ZFYVE9: variants seen among roughly 807,000 people sequenced by gnomAD.
ZFYVE9 encodes the protein zinc finger FYVE domain-containing protein 9.
A neutral mutation model predicts 126.7 loss-of-function variants in ZFYVE9; 43 were observed. The observed-to-expected ratio is 0.34, with a 90% CI of 0.27 to 0.44. The LOEUF (loss-of-function observed/expected upper bound fraction) is 0.44. ZFYVE9 is among the 20% of genes least tolerant of loss of function. The probability of loss-of-function intolerance (pLI) is 1.00; values close to 1 mark genes in which losing one functional copy is unlikely to be tolerated. For missense variants in ZFYVE9, 1,476 were observed against 1,697.0 expected, an observed-to-expected ratio of 0.87 and a Z score of 2.29; for synonymous variants, 521 against 597.4, an observed-to-expected ratio of 0.87 and a Z score of 1.87.
At chr1:52,304,413 C>T (rs1423992745) in intron 13 of ZFYVE9, among the ~76,000 whole-genome samples, 4 of 152,024 alleles carry the variant, frequency 2.6e-5, no homozygotes, top group Non-Finnish European at 5.9e-5. Flanking sequence ...CAGGCACCCG[C>T]CACCATGCCT....
At chr1:52,145,941 A>G (rs1011504088) in intron 1 of ZFYVE9, among the ~76,000 whole-genome samples, 1 of 151,936 alleles carries the variant, frequency 6.6e-6, no homozygotes, top group Non-Finnish European at 1.5e-5. Context: ...ACTTGTGTAT[A>G]CTTGACCTGC....
chr1:52,161,402 G>T (rs1012999729), intron 1 of ZFYVE9, among the ~76,000 whole-genome samples: 3 of 152,112 alleles, frequency 2.0e-5, no homozygotes, highest in Non-Finnish European at 2.9e-5. Context: ...CGATTCTCCT[G>T]CCTCAGCCTC....
chr1:52,277,373 G>A (rs568078629), intron 8 of ZFYVE9, among the ~76,000 whole-genome samples: 6 of 152,156 alleles, frequency 3.9e-5, no homozygotes, highest in African/African-American at 1.4e-4. Context: ...TTCATAAAAA[G>A]TTATGTCCGT....
intron 1 of ZFYVE9, among the ~76,000 whole-genome samples, chr1:52,199,257 C>T (rs557396204): frequency 2.2e-4 from 34 of 152,122 alleles, no homozygotes; most frequent in East Asian, 1.7e-3. Context: ...TTAGTAGAGA[C>T]GGAGTTTCAC....
At chr1:52,321,685 A>G (rs924506027) in intron 13 of ZFYVE9, among the ~76,000 whole-genome samples, 7 of 152,122 alleles carry the variant, frequency 4.6e-5, no homozygotes, top group Non-Finnish European at 1.0e-4. Flanking sequence ...CCTGTCTCCC[A>G]GAACTCACAA....
At chr1:52,246,369 CTTGAG>C (rs1645383827) in intron 4 of ZFYVE9, among the ~76,000 whole-genome samples, 1 of 152,034 alleles carries the variant, frequency 6.6e-6, no homozygotes, top group Admixed American at 6.6e-5. Flanking sequence ...TTTTGGGTAA[CTTGAG>C]TTGAAGTCAT....
chr1:52,167,265 G>A (rs1644522491), intron 1 of ZFYVE9, among the ~76,000 whole-genome samples: 1 of 152,134 alleles, frequency 6.6e-6, no homozygotes, highest in Admixed American at 6.5e-5. Context: ...GATGTGCAGT[G>A]ATCCAATGTT....
chr1:52,318,762 T>C (rs1180437718), intron 13 of ZFYVE9, among the ~76,000 whole-genome samples: 1 of 151,886 alleles, frequency 6.6e-6, no homozygotes, highest in African/African-American at 2.4e-5. Flanking sequence ...TCAGTAGTAT[T>C]TTGGTATACT....
intron 1 of ZFYVE9, among the ~76,000 whole-genome samples, chr1:52,184,188 C>T (rs1644741618): frequency 6.9e-6 from 1 of 144,630 alleles, no homozygotes; most frequent in Admixed American, 7.0e-5. Context: ...TCTTTAATGA[C>T]AAGTGTCATT....
At chr1:52,263,987 A>C in intron 5 of ZFYVE9, 115 bp downstream of exon 5, 6 of 496,892 alleles carry the variant, frequency 1.2e-5, no homozygotes, top group East Asian at 6.9e-5. Flanking sequence ...CTCAAATGTC[A>C]TAACTTTAAC....
At position 52,238,600 on chromosome 1, in the gene ZFYVE9, G is replaced by C. The variant is rs191343062; in HGVS notation, c.1183G>C (p.Glu395Gln). 81 of 1,613,974 alleles carry C rather than the reference G, an allele frequency of 5.0e-5. No individual in the cohort carries two copies. The highest frequency in any genetic ancestry group is 6.5e-5 in the Non-Finnish European group (77 of 1,179,948). ...EFLNMTEHFS[E>Q]SQDMTNWKLT... ...CCTTAATATGACAGAGCATTTCTCT[G>C]AATCTCAGGACATGACTAATTGGAA... is the stretch of plus-strand genomic sequence containing the variant. The change falls in exon 4 of 19, where the codon GAA becomes CAA. Residue 395 changes from glutamate to glutamine, a missense_variant. Glu to Gln is a conservative substitution (Grantham distance 29). This residue lies in a region of ZFYVE9 where 807 missense variants were observed against 794.6 expected (regional missense o/e 1.02). Transcript: ENST00000287727.
intron 13 of ZFYVE9, among the ~76,000 whole-genome samples, chr1:52,325,276 C>T (rs1385753601): frequency 3.3e-5 from 5 of 151,770 alleles, no homozygotes; most frequent in Non-Finnish European, 7.4e-5. Context: ...TGCAGTGAGC[C>T]GAGACTGCAC....
chr1:52,254,456 G>A (rs1330317940), intron 4 of ZFYVE9, among the ~76,000 whole-genome samples: 3 of 151,286 alleles, frequency 2.0e-5, no homozygotes, highest in Admixed American at 6.6e-5. Context: ...CTGGGAGGCC[G>A]AGGCAGGCAG....
chr1:52,269,876 G>A (rs756361528), intron 7 of ZFYVE9, among the ~76,000 whole-genome samples: 1 of 151,302 alleles, frequency 6.6e-6, no homozygotes, highest in Admixed American at 6.6e-5. Flanking sequence ...CAGCCTTAAC[G>A]TCCCAGGCTC....
chr1:52,315,717 TAATA>T (rs1237086517), intron 13 of ZFYVE9, among the ~76,000 whole-genome samples: 2 of 151,770 alleles, frequency 1.3e-5, no homozygotes, highest in Non-Finnish European at 2.9e-5. Flanking sequence ...ATGGGACAAA[TAATA>T]AATAGCAAGA....
chr1:52,269,527 TC>T, intron 7 of ZFYVE9, among the ~76,000 whole-genome samples: 1 of 152,316 alleles, frequency 6.6e-6, no homozygotes, highest in East Asian at 1.9e-4. Context: ...GACATTTACA[TC>T]CTATATAATT....
intron 9 of ZFYVE9, among the ~76,000 whole-genome samples, chr1:52,280,362 A>G (rs1645790891): frequency 6.6e-6 from 1 of 151,718 alleles, no homozygotes; most frequent in African/African-American, 2.4e-5. Flanking sequence ...CCTGAATGAC[A>G]GAGTGAGACC....
chr1:52,206,985 G>A (rs1028207036), intron 1 of ZFYVE9, among the ~76,000 whole-genome samples: 4 of 152,196 alleles, frequency 2.6e-5, no homozygotes, highest in Admixed American at 2.0e-4. Context: ...ATGTATGTAG[G>A]CATGTATTTA....
intron 13 of ZFYVE9, among the ~76,000 whole-genome samples, chr1:52,312,709 A>G (rs959456870): frequency 4.6e-5 from 7 of 152,204 alleles, no homozygotes; most frequent in Non-Finnish European, 8.8e-5. Context: ...AAGAGTGACT[A>G]TTGAAGTAAG....
Sources: allele counts gnomAD v4.1 joint callset (sites outside exome capture counted in the v4.1 genomes callset), GRCh38; gene constraint gnomAD v4.1.1; regional missense constraint gnomAD v4.1.1; transcripts MANE v1.5; gene names NCBI Gene and HGNC (gene_info 2026-07-23, HGNC 2026-07-21).